Variants in PDE4B observed in about 807,000 individuals in gnomAD.
PDE4B encodes phosphodiesterase 4B.
A neutral mutation model predicts 82.2 loss-of-function variants in PDE4B; 20 were observed. The ratio of observed to expected loss-of-function variants is 0.24; its 90% CI spans 0.17 to 0.35. The LOEUF is 0.35. Among genes scored for constraint, PDE4B ranks in the 10% least tolerant of loss-of-function variants. The pLI is 1.00. For synonymous variants in PDE4B, 320 were observed against 318.9 expected (o/e 1.00, Z -0.04); for missense variants, 655 against 907.2 (o/e 0.72, Z 3.57).
At chr1:66,310,636 A>G (rs1464545426) in intron 7 of PDE4B, among the ~76,000 whole-genome samples, 4 of 152,296 alleles carry the variant, frequency 2.6e-5, no homozygotes, top group Non-Finnish European at 4.4e-5. Flanking sequence ...CCTACTTCCT[A>G]GGAACATTCT....
chr1:66,235,682 C>A (rs1197775276), intron 3 of PDE4B, among the ~76,000 whole-genome samples: 4 of 152,066 alleles, frequency 2.6e-5, no homozygotes, highest in Non-Finnish European at 5.9e-5. Context: ...GATGTTTAGA[C>A]CATTTACATT....
At chr1:65,909,070 A>G (rs958333498) in intron 1 of PDE4B, among the ~76,000 whole-genome samples, 1 of 152,094 alleles carries the variant, frequency 6.6e-6, no homozygotes. Flanking sequence ...AGCAATCTGA[A>G]CTGTTGTTAA....
intron 3 of PDE4B, among the ~76,000 whole-genome samples, chr1:66,090,623 G>A (rs1207223582): frequency 1.6e-3 from 172 of 107,050 alleles, no homozygotes; most frequent in Middle Eastern, 4.9e-3. Context: ...TATAATATAT[G>A]TGTGTGTGTG....
At chr1:66,351,372 C>A (rs1056959431) in intron 8 of PDE4B, among the ~76,000 whole-genome samples, 1 of 152,142 alleles carries the variant, frequency 6.6e-6, no homozygotes, top group Non-Finnish European at 1.5e-5. Flanking sequence ...AAATAATGCC[C>A]ATTTCCTTCC....
Position 66,184,954 on chromosome 1 carries a change from A to G in PDE4B, c.282-62506A>G, listed in dbSNP as rs1647151794. On this transcript the variant is annotated intron_variant, in intron 3 of 16. Coordinates refer to ENST00000341517, the MANE Select transcript of PDE4B (RefSeq NM_002600.4). ...GCTGCACCCATTAACTCGTCATTTA[A>G]CATTAGGTATATCTCCTAATGCTAT... is the stretch of plus-strand genomic sequence containing the variant. Among the ~76,000 whole-genome samples, 3 of 151,878 alleles carry G rather than the reference A, an allele frequency of 2.0e-5. No individual in the cohort carries two copies. In the South Asian group the frequency reaches 6.3e-4, roughly 32 times the overall value.
At chr1:66,200,565 C>T (rs12122578) in intron 3 of PDE4B, among the ~76,000 whole-genome samples, 24,315 of 152,006 alleles carry the variant, frequency 0.16, 2,181 homozygotes, top group Non-Finnish European at 0.2. Context: ...CCTTCACGTC[C>T]CTTGTAAGTT....
intron 7 of PDE4B, among the ~76,000 whole-genome samples, chr1:66,308,734 T>C (rs2101858979): frequency 6.6e-6 from 1 of 152,296 alleles, no homozygotes; most frequent in South Asian, 2.1e-4. Flanking sequence ...GTTGCCACCT[T>C]TTCTAATGAG....
intron 3 of PDE4B, among the ~76,000 whole-genome samples, chr1:66,193,566 T>G (rs1245446492): frequency 6.6e-6 from 1 of 152,110 alleles, no homozygotes; most frequent in Non-Finnish European, 1.5e-5. Flanking sequence ...AAAATAATCA[T>G]CTCCCCTGGG....
chr1:65,904,551 A>G (rs1218678487), intron 1 of PDE4B, among the ~76,000 whole-genome samples: 1 of 152,096 alleles, frequency 6.6e-6, no homozygotes, highest in Non-Finnish European at 1.5e-5. Context: ...TTCATCATTA[A>G]AAAAATCTTC....
At chr1:66,301,434 A>C (rs972065486) in intron 7 of PDE4B, among the ~76,000 whole-genome samples, 1 of 152,092 alleles carries the variant, frequency 6.6e-6, no homozygotes, top group African/African-American at 2.4e-5. Context: ...AGGACTAGTA[A>C]TATTATCTCT....
chr1:66,131,610 T>C (rs1160491081), intron 3 of PDE4B, among the ~76,000 whole-genome samples: 1 of 104,896 alleles, frequency 9.5e-6, no homozygotes, highest in African/African-American at 3.5e-5. Flanking sequence ...TATATATATA[T>C]ATATATATAT....
chr1:66,237,394 T>C (rs1652542045), intron 3 of PDE4B, among the ~76,000 whole-genome samples: 1 of 152,172 alleles, frequency 6.6e-6, no homozygotes, highest in South Asian at 2.1e-4. Flanking sequence ...AAAGACAATA[T>C]ATGGCCTATT....
intron 3 of PDE4B, among the ~76,000 whole-genome samples, chr1:66,161,060 T>G (rs1210605086): frequency 6.6e-6 from 1 of 152,226 alleles, no homozygotes; most frequent in African/African-American, 2.4e-5. Flanking sequence ...AGGCATTTTT[T>G]TTTTCCTTGA....
chr1:66,282,892 G>T (rs745673788), intron 7 of PDE4B, among the ~76,000 whole-genome samples: 2 of 152,070 alleles, frequency 1.3e-5, no homozygotes, highest in Non-Finnish European at 2.9e-5. Context: ...TTCAAGCCTA[G>T]GTCTCTTTGG....
At chr1:66,278,347 A>T (rs1005896280) in intron 7 of PDE4B, among the ~76,000 whole-genome samples, 3 of 152,230 alleles carry the variant, frequency 2.0e-5, no homozygotes, top group African/African-American at 7.2e-5. Context: ...GGGGAACTTG[A>T]AATAACATCC....
chr1:65,795,222 T>TA (rs1374844079), intron 1 of PDE4B, among the ~76,000 whole-genome samples: 44 of 152,202 alleles, frequency 2.9e-4, no homozygotes, highest in Admixed American at 2.7e-3. Context: ...TGTGAAGAAA[T>TA]AAAGAGTTCT....
chr1:65,858,848 A>G (rs1423843063), intron 1 of PDE4B, among the ~76,000 whole-genome samples: 1 of 152,122 alleles, frequency 6.6e-6, no homozygotes, highest in African/African-American at 2.4e-5. Flanking sequence ...GTTTTGTTTT[A>G]ATAGGGTGGT....
At chr1:66,074,609 T>C (rs545828228) in intron 3 of PDE4B, among the ~76,000 whole-genome samples, 12 of 152,162 alleles carry the variant, frequency 7.9e-5, no homozygotes, top group Non-Finnish European at 1.8e-4. Flanking sequence ...AAAGAAATTC[T>C]GTACCCATTG....
chr1:66,338,731 A>G (rs1403883484), intron 8 of PDE4B, among the ~76,000 whole-genome samples: 1 of 148,616 alleles, frequency 6.7e-6, no homozygotes, highest in Non-Finnish European at 1.5e-5. Flanking sequence ...GAGATAAGCT[A>G]TTCTTGGCCG....
Sources: gnomAD v4.1 joint callset for allele counts (sites outside exome capture counted in the v4.1 genomes callset) on GRCh38, gnomAD v4.1.1 for gene constraint, MANE v1.5 for transcripts, NCBI Gene and HGNC (gene_info 2026-07-23, HGNC 2026-07-21) for gene names.